The following RBFOX1 variants were observed in gnomAD, a reference collection of about 807,000 sequenced individuals.
RBFOX1 encodes RNA binding fox-1 homolog 1, also known as RNA binding protein fox-1 homolog 1.
In RBFOX1, 8 loss-of-function variants were observed where a neutral mutation model predicts 57.7. That is an observed-to-expected ratio of 0.14 (90% CI 0.08 to 0.25). The LOEUF (loss-of-function observed/expected upper bound fraction) is 0.25, where lower values mean the gene tolerates loss of function less well. RBFOX1 is among the 10% of genes least tolerant of loss of function. RBFOX1 has a pLI of 1.00. For synonymous variants in RBFOX1, 326 were observed against 222.4 expected (o/e 1.47, Z -4.15); for missense variants, 611 against 548.5 (o/e 1.11, Z -1.14).
intron 3 of RBFOX1, among the ~76,000 whole-genome samples, chr16:6,900,139 C>CTGG (rs141852850): frequency 0.062 from 9,498 of 152,002 alleles, 707 homozygotes; most frequent in African/African-American, 0.18. Context: ...TTAGTTATTG[C>CTGG]TGGTGGTGGT....
chr16:6,737,172 A>G (rs1219704807), intron 3 of RBFOX1, among the ~76,000 whole-genome samples: 2 of 152,212 alleles, frequency 1.3e-5, no homozygotes, highest in African/African-American at 2.4e-5. Context: ...AATATTGGCA[A>G]GAATGGTAGA....
intron 2 of RBFOX1, among the ~76,000 whole-genome samples, chr16:6,497,619 C>T (rs987399444): frequency 4.6e-5 from 7 of 151,674 alleles, no homozygotes; most frequent in East Asian, 1.9e-4. Context: ...TGCAGTGGCG[C>T]GATCTTGGCT....
At chr16:7,101,238 G>A (rs2062637121) in intron 4 of RBFOX1, among the ~76,000 whole-genome samples, 3 of 152,178 alleles carry the variant, frequency 2.0e-5, no homozygotes, top group South Asian at 4.1e-4. Context: ...CTGCACCAGC[G>A]TGGCATAGAG....
chr16:7,162,624 G>A (rs185075637), intron 4 of RBFOX1, among the ~76,000 whole-genome samples: 8 of 151,986 alleles, frequency 5.3e-5, no homozygotes, highest in Admixed American at 4.6e-4. Context: ...AGCTACTGGG[G>A]AGGCTGAGGC....
At chr16:7,650,905 T>C (rs2064908791) in intron 11 of RBFOX1, among the ~76,000 whole-genome samples, 1 of 152,204 alleles carries the variant, frequency 6.6e-6, no homozygotes, top group Non-Finnish European at 1.5e-5. Context: ...CTCTCATTAC[T>C]TATGGGCTTT....
chr16:6,688,010 C>T (rs2059688839), intron 3 of RBFOX1, among the ~76,000 whole-genome samples: 1 of 152,252 alleles, frequency 6.6e-6, no homozygotes, highest in Admixed American at 6.5e-5. Context: ...ATGCCAAGCA[C>T]TGTGCTATGC....
intron 1 of RBFOX1, among the ~76,000 whole-genome samples, chr16:6,095,553 C>T (rs1247374378): frequency 6.6e-6 from 1 of 152,162 alleles, no homozygotes; most frequent in African/African-American, 2.4e-5. Context: ...TGGAAATGCT[C>T]GGTCTGCCAT....
upstream of RBFOX1, among the ~76,000 whole-genome samples, chr16:6,017,973 C>T (rs1475296333): frequency 6.6e-6 from 1 of 152,202 alleles, no homozygotes; most frequent in African/African-American, 2.4e-5. Context: ...AGGCTGGAAT[C>T]TGGCCTTGTC....
intron 3 of RBFOX1, among the ~76,000 whole-genome samples, chr16:7,024,233 T>C (rs1358677987): frequency 1.3e-5 from 2 of 152,178 alleles, no homozygotes; most frequent in East Asian, 3.9e-4. Flanking sequence ...TTGGCACTCA[T>C]ATCGTGCTCT....
At chr16:6,186,697 C>T (rs906869396) in intron 1 of RBFOX1, among the ~76,000 whole-genome samples, 8 of 152,128 alleles carry the variant, frequency 5.3e-5, no homozygotes, top group Admixed American at 5.2e-4. Flanking sequence ...ATGGAAGCTC[C>T]ATAGCAATGG....
chr16:6,180,110 A>G (rs1254989883), intron 1 of RBFOX1, among the ~76,000 whole-genome samples: 19 of 151,896 alleles, frequency 1.3e-4, no homozygotes, highest in Non-Finnish European at 4.4e-5. Context: ...TTTCCTTTTG[A>G]TTTTTTGTCT....
chr16:5,765,562 G>A (rs915347793), intron 3 of RBFOX1, among the ~76,000 whole-genome samples: 4 of 152,212 alleles, frequency 2.6e-5, no homozygotes, highest in Admixed American at 2.0e-4. Flanking sequence ...CACACAGAGA[G>A]TGCTTAATAA....
In RBFOX1 at chr16:6,654,630, G is replaced by A. The variant is rs1319868235; in HGVS notation, c.-36G>A. 3.0e-5 allele frequency: 46 copies of A among 1,508,488 alleles called. 1 individual carries two copies. The highest frequency in any genetic ancestry group is 1.0e-4 in the South Asian group (8 of 78,762). The allele number at this position is 1,508,488 out of a possible 1,614,324, so 93.4% of individuals were successfully genotyped here. ...TATCAAAGCAGACTGCAATACCTGCGTGGAAATAGAAGACAGAAAGGTGAG... is the reference window on the plus strand; with the variant it reads ...TATCAAAGCAGACTGCAATACCTGCATGGAAATAGAAGACAGAAAGGTGAG... On this transcript the variant is annotated 5_prime_UTR_variant, in exon 3 of 16. In the 5' UTR this introduces an upstream ATG that the reference lacks. Transcript: ENST00000550418.
At chr16:7,338,810 C>T (rs1157267826) in intron 4 of RBFOX1, among the ~76,000 whole-genome samples, 1 of 152,180 alleles carries the variant, frequency 6.6e-6, no homozygotes, top group Admixed American at 6.5e-5. Context: ...GGGTAAGTTT[C>T]TGGTTGAACT....
At chr16:7,018,004 T>G (rs1184800098) in intron 3 of RBFOX1, among the ~76,000 whole-genome samples, 1 of 152,124 alleles carries the variant, frequency 6.6e-6, no homozygotes, top group Admixed American at 6.5e-5. Flanking sequence ...GAATGGAATT[T>G]TACAAAATAT....
intron 3 of RBFOX1, among the ~76,000 whole-genome samples, chr16:6,669,546 C>G (rs906360941): frequency 6.6e-6 from 1 of 151,976 alleles, no homozygotes; most frequent in African/African-American, 2.4e-5. Flanking sequence ...TACAGCTTGA[C>G]GTTTTGATTT....
intron 2 of RBFOX1, among the ~76,000 whole-genome samples, chr16:6,317,617 G>T (rs1331250002): frequency 1.3e-5 from 2 of 152,106 alleles, no homozygotes; most frequent in African/African-American, 4.8e-5. Flanking sequence ...CAGCAAGTAA[G>T]CATTTTTCCA....
intron 3 of RBFOX1, among the ~76,000 whole-genome samples, chr16:7,029,457 A>G (rs567756983): frequency 6.6e-6 from 1 of 151,904 alleles, no homozygotes; most frequent in Admixed American, 6.6e-5. Flanking sequence ...ATCTTCAGTC[A>G]GGATGGAATA....
At chr16:6,316,720 T>C (rs1229334232) in intron 1 of RBFOX1, among the ~76,000 whole-genome samples, 1 of 152,166 alleles carries the variant, frequency 6.6e-6, no homozygotes, top group Non-Finnish European at 1.5e-5. Flanking sequence ...CATGCATGTC[T>C]TGTCAACTGT....
Sources: allele counts gnomAD v4.1 joint callset (sites outside exome capture counted in the v4.1 genomes callset), GRCh38; gene constraint gnomAD v4.1.1; transcripts MANE v1.5; gene names NCBI Gene and HGNC (gene_info 2026-07-23, HGNC 2026-07-21).